NLRP5: variants seen among roughly 807,000 people sequenced by gnomAD.
The protein encoded by NLRP5 is NACHT, LRR and PYD domains-containing protein 5.
Under a neutral mutation model 113.1 loss-of-function variants are expected in NLRP5, and 93 were observed. That is an observed-to-expected ratio of 0.82 (90% CI 0.70 to 0.98). The LOEUF (loss-of-function observed/expected upper bound fraction) is 0.98, where lower values mean the gene tolerates loss of function less well. Among genes scored for constraint, NLRP5 ranks in the 50% least tolerant of loss-of-function variants. The probability of loss-of-function intolerance (pLI) is 0.00; values close to 1 mark genes in which losing one functional copy is unlikely to be tolerated. For missense variants in NLRP5, 1,808 were observed against 1,514.3 expected (o/e 1.19, Z -3.22); for synonymous variants, 751 against 600.7 (o/e 1.25, Z -3.66).
At chr19:56,035,680 G>GC (rs1164019828) in intron 9 of NLRP5, among the ~76,000 whole-genome samples, 2 of 152,166 alleles carry the variant, frequency 1.3e-5, no homozygotes, top group Admixed American at 6.5e-5. Flanking sequence ...ACTCACAGGG[G>GC]CAGGAGTATT....
In NLRP5 at chr19:56,043,622, G is replaced by A. The variant is rs1599904888; in HGVS notation, c.2957+2530G>A. 2.4e-5 allele frequency among the ~76,000 whole-genome samples: 3 copies of A among 126,402 alleles called. No homozygotes were observed. The East Asian group carries it at 7.2e-4, about 31-fold the overall frequency. The allele number at this position is 126,402 out of a possible 152,430, so 82.9% of individuals were successfully genotyped here. ...GCTCTGTCGCCCAGGCTGCAGTGCA[G>A]TGGCGTGATCTCCGGTCACTGCAAG... On this transcript the variant is annotated intron_variant, in intron 11 of 14. Coordinates refer to ENST00000390649, the MANE Select transcript of NLRP5 (RefSeq NM_153447.4).
intron 1 of NLRP5, among the ~76,000 whole-genome samples, chr19:56,000,282 C>T (rs572863264): frequency 2.2e-4 from 34 of 151,750 alleles, no homozygotes; most frequent in African/African-American, 8.0e-4. Context: ...TTCAGAGGCC[C>T]TTCCTGTATA....
chr19:56,004,969 C>CT (rs1981798224), intron 2 of NLRP5, among the ~76,000 whole-genome samples: 1 of 151,656 alleles, frequency 6.6e-6, no homozygotes, highest in Non-Finnish European at 1.5e-5. Flanking sequence ...TGGCACATGC[C>CT]TGTAATCCCA....
chr19:56,055,283 C>T lies in NLRP5; in HGVS notation c.3299+1475C>T, dbSNP rs535655978. On this transcript the variant is annotated intron_variant, in intron 13 of 14. Coordinates refer to ENST00000390649, the MANE Select transcript of NLRP5 (RefSeq NM_153447.4). ...CTGGGATGACAGGCGTGAGCCACCG[C>T]GCCTGGCCGGGACCCTTTTCCTTCT... Among the ~76,000 whole-genome samples, 535 of 152,030 alleles carry T rather than the reference C, an allele frequency of 3.5e-3. 1 individual carries two copies. Among genetic ancestry groups the T allele is most frequent in the Middle Eastern group, 0.017 (5 of 292 alleles).
At chr19:56,016,172 A>C (rs306429) in intron 4 of NLRP5, among the ~76,000 whole-genome samples, 18,052 of 152,018 alleles carry the variant, frequency 0.12, 1,224 homozygotes, top group Non-Finnish European at 0.16. Flanking sequence ...ATTTATTTTG[A>C]GATGGAGTTC....
At chr19:56,023,702 G>A (rs1056515804) in intron 6 of NLRP5, among the ~76,000 whole-genome samples, 15 of 152,176 alleles carry the variant, frequency 9.9e-5, no homozygotes, top group Admixed American at 2.6e-4. Flanking sequence ...GAGGATGTGC[G>A]TAGGTTATAT....
chr19:56,038,489 T>C (rs770413647), intron 10 of NLRP5, among the ~76,000 whole-genome samples: 4 of 152,332 alleles, frequency 2.6e-5, no homozygotes, highest in South Asian at 4.1e-4. Flanking sequence ...GTGAGGCTTA[T>C]GTGTGCAGCT....
chr19:56,028,868 G>C (rs1414823694), intron 7 of NLRP5, among the ~76,000 whole-genome samples: 1 of 152,122 alleles, frequency 6.6e-6, no homozygotes, highest in Non-Finnish European at 1.5e-5. Flanking sequence ...AGGCTCAAGA[G>C]ATTCTCCTGC....
rs761283407 is a variant in NLRP5 at position 56,027,782 on chromosome 19, C to T, written c.1549C>T (p.Arg517Trp). The T allele has an allele frequency of 3.2e-5, 51 of 1,613,876 alleles. No individual in the cohort carries two copies. Among genetic ancestry groups the T allele is most frequent in the Middle Eastern group, 3.3e-4 (2 of 6,084 alleles). ...TCAGCTCACCCCTCGAGGCGTGGTC[C>T]GGCGCTGTCTCAATCTGGAGGAAAG... The change falls in exon 7 of 15, where the codon CGG becomes TGG. Residue 517 changes from arginine to tryptophan, a missense_variant. Arg to Trp is a moderately radical substitution (Grantham distance 101, BLOSUM62 -3). Coordinates refer to ENST00000390649, the MANE Select transcript of NLRP5 (RefSeq NM_153447.4).
At chr19:56,016,492 A>G (rs1165972345) in intron 4 of NLRP5, among the ~76,000 whole-genome samples, 2 of 152,152 alleles carry the variant, frequency 1.3e-5, no homozygotes, top group East Asian at 3.9e-4. Context: ...GCTATTTTGA[A>G]ATAGACTTTG....
rs1369437682 is a variant in NLRP5, at chr19:56,027,386, C to A, written c.1153C>A (p.Gln385Lys). The A allele has an allele frequency of 6.2e-7, 1 of 1,613,480 alleles. No homozygotes were observed. The highest frequency in any genetic ancestry group is 1.7e-5 in the Admixed American group (1 of 59,952). Residue 385 changes from glutamine to lysine, a missense_variant, in exon 7 of 15, where the codon CAG becomes AAG. Physicochemically the swap from Gln to Lys is moderately conservative, Grantham distance 53. Transcript: ENST00000390649. ...GCTCTGCAAAGACTGGGCTGAGAAG[C>A]AGCCTCCGTTCACCCTCATACGCAG...
At chr19:56,024,508 T>A (rs532777427) in intron 6 of NLRP5, among the ~76,000 whole-genome samples, 1 of 70,762 alleles carries the variant, frequency 1.4e-5, no homozygotes, top group East Asian at 4.1e-4. Flanking sequence ...TATGTATATG[T>A]ATATGTGTAT....
At chr19:56,025,689 G>T (rs1982816244) in intron 6 of NLRP5, among the ~76,000 whole-genome samples, 2 of 151,952 alleles carry the variant, frequency 1.3e-5, no homozygotes, top group Non-Finnish European at 2.9e-5. Flanking sequence ...GGATTACAGG[G>T]GTGAGCCAGC....
upstream of NLRP5, among the ~76,000 whole-genome samples, chr19:55,997,862 C>CAAA (rs11414769): frequency 6.6e-4 from 98 of 149,240 alleles, no homozygotes; most frequent in East Asian, 1.6e-3. Flanking sequence ...CACTCTATCT[C>CAAA]AAAAAAAAAA....
chr19:56,020,472 G>T (rs1287139057), intron 6 of NLRP5, 41 bp downstream of exon 6: 1 of 1,590,662 alleles, frequency 6.3e-7, no homozygotes. Flanking sequence ...CCTCCTGGAA[G>T]AAAGTTGGGT....
At chr19:56,051,390 A>G (rs1288851368) in intron 12 of NLRP5, among the ~76,000 whole-genome samples, 1 of 152,052 alleles carries the variant, frequency 6.6e-6, no homozygotes, top group Non-Finnish European at 1.5e-5. Context: ...ACGGAGTTTC[A>G]CCATGTCGGC....
chr19:56,042,668 G>A lies in NLRP5; in HGVS notation c.2957+1576G>A, dbSNP rs12609848. ...AGGTTACATGAGTAAGTTCTTTAGT[G>A]GTGATTTGTGATATTTTGGTGCACC... On this transcript the variant is annotated intron_variant, in intron 11 of 14. Coordinates refer to ENST00000390649, the MANE Select transcript of NLRP5 (RefSeq NM_153447.4). Among the ~76,000 whole-genome samples the A allele has an allele frequency of 3.8e-4, 58 of 152,228 alleles. No homozygotes were observed. The East Asian group carries it at 0.011, about 29-fold the overall frequency.
In NLRP5 at chr19:56,007,733, G is replaced by A. The variant is rs182891170; in HGVS notation, c.443-1055G>A. On this transcript the variant is annotated intron_variant, in intron 2 of 14. Coordinates refer to ENST00000390649, the MANE Select transcript of NLRP5 (RefSeq NM_153447.4). The stretch of plus-strand genomic sequence containing the variant: ...GCAAAAGTGTTGAGTGACCCAGAGG[G>A]GATTGTGGAATAAACACAGGGAGAC... Among the ~76,000 whole-genome samples, 226 of 146,726 alleles carry A rather than the reference G, an allele frequency of 1.5e-3. 14 individuals carry two copies. The highest frequency in any genetic ancestry group is 5.8e-3 in the African/African-American group (216 of 37,538).
At chr19:56,007,896 CGCGCGTGCGTGT>C (rs1981994348) in intron 2 of NLRP5, among the ~76,000 whole-genome samples, 3 of 97,840 alleles carry the variant, frequency 3.1e-5, no homozygotes, top group African/African-American at 1.1e-4. Flanking sequence ...TGTGCGCGTG[CGCGCGTGCGTGT>C]GTGTGTGTGT....
Sources: allele counts gnomAD v4.1 joint callset (sites outside exome capture counted in the v4.1 genomes callset), GRCh38; gene constraint gnomAD v4.1.1; transcripts MANE v1.5; gene names NCBI Gene and HGNC (gene_info 2026-07-23, HGNC 2026-07-21).